The following COL10A1 variants were observed in gnomAD, a reference collection of about 807,000 sequenced individuals.
COL10A1 encodes the protein collagen alpha-1(X) chain.
Under a neutral mutation model 18.2 loss-of-function variants are expected in COL10A1, and 10 were observed. The ratio of observed to expected loss-of-function variants is 0.55; its 90% CI spans 0.34 to 0.93. The LOEUF is 0.93. Among genes scored for constraint, COL10A1 ranks in the 40% least tolerant of loss-of-function variants. COL10A1 has a pLI of 0.02. For missense variants in COL10A1, 897 were observed against 853.5 expected (o/e 1.05, Z -0.64); for synonymous variants, 330 against 316.6 (o/e 1.04, Z -0.45).
chr6:116,187,874 T>C, the COL10A1 span, among the ~76,000 whole-genome samples: 2 of 152,172 alleles, frequency 1.3e-5, no homozygotes, highest in Non-Finnish European at 2.9e-5. Flanking sequence ...TTGACAAACA[T>C]TAAACGTCTC....
intron 1 of COL10A1, among the ~76,000 whole-genome samples, chr6:116,156,314 A>T (rs556076852): frequency 7.0e-4 from 107 of 152,064 alleles, no homozygotes; most frequent in Non-Finnish European, 1.3e-3. Flanking sequence ...GTTAAAAAAA[A>T]TTTTTTTTAG....
At chr6:116,159,948 T>TGTCCAAAAAAAC (rs1780289249), upstream of COL10A1, among the ~76,000 whole-genome samples, 1 of 152,230 alleles carries the variant, frequency 6.6e-6, no homozygotes, top group Non-Finnish European at 1.5e-5. Flanking sequence ...CACAATTTCA[T>TGTCCAAAAAAAC]TACTTTTTAT....
upstream of COL10A1, among the ~76,000 whole-genome samples, chr6:116,158,913 C>T (rs990894598): frequency 6.6e-6 from 1 of 152,110 alleles, no homozygotes; most frequent in Non-Finnish European, 1.5e-5. Context: ...TTTTGAGACG[C>T]AGATGGGGAT....
intron 1 of COL10A1, among the ~76,000 whole-genome samples, chr6:116,154,857 G>T (rs904562933): frequency 5.3e-5 from 8 of 151,988 alleles, no homozygotes; most frequent in African/African-American, 1.9e-4. Context: ...ATGCCTTGTA[G>T]GTAAGCAAAA....
chr6:116,189,309 T>C, the COL10A1 span, among the ~76,000 whole-genome samples: 1 of 151,938 alleles, frequency 6.6e-6, no homozygotes, highest in Admixed American at 6.6e-5. Flanking sequence ...TTTTCCCTCA[T>C]TTTGAGGGCT....
chr6:116,214,486 G>C, the COL10A1 span, among the ~76,000 whole-genome samples: 4 of 152,076 alleles, frequency 2.6e-5, no homozygotes, highest in Non-Finnish European at 5.9e-5. Flanking sequence ...TCAAAAAGCT[G>C]TCTGGTTTTA....
chr6:116,146,182 A>G (rs1016738918), intron 1 of COL10A1, among the ~76,000 whole-genome samples: 1 of 152,244 alleles, frequency 6.6e-6, no homozygotes. Context: ...AGGCAGGAAG[A>G]GTCCCTGGGG....
At chr6:116,156,448 A>G (rs1780195548) in intron 1 of COL10A1, among the ~76,000 whole-genome samples, 1 of 152,198 alleles carries the variant, frequency 6.6e-6, no homozygotes, top group Non-Finnish European at 1.5e-5. Context: ...TTAGCTTATT[A>G]TAGTCTGCCT....
the COL10A1 span, among the ~76,000 whole-genome samples, chr6:116,193,059 C>G: frequency 6.6e-6 from 1 of 152,068 alleles, no homozygotes; most frequent in African/African-American, 2.4e-5. Flanking sequence ...TAAAGCTGTA[C>G]AGAATAGCTC....
chr6:116,161,168 A>C, upstream of COL10A1, among the ~76,000 whole-genome samples: 1 of 132,256 alleles, frequency 7.6e-6, no homozygotes, highest in East Asian at 2.4e-4. Context: ...AGGAAGGGGA[A>C]CATCACAATC....
the COL10A1 span, among the ~76,000 whole-genome samples, chr6:116,181,380 G>A: frequency 6.6e-6 from 1 of 152,018 alleles, no homozygotes; most frequent in East Asian, 1.9e-4. Context: ...GGAATTATCA[G>A]TTTAATTTAT....
the COL10A1 span, among the ~76,000 whole-genome samples, chr6:116,184,317 G>A: frequency 2.0e-5 from 3 of 151,934 alleles, no homozygotes; most frequent in African/African-American, 7.2e-5. Flanking sequence ...TTTTGTTGAG[G>A]ATTTTGCATT....
At chr6:116,207,566 G>T in the COL10A1 span, among the ~76,000 whole-genome samples, 1 of 151,588 alleles carries the variant, frequency 6.6e-6, no homozygotes, top group African/African-American at 2.4e-5. Context: ...ATTTTATTAT[G>T]ATTATATGTT....
chr6:116,152,065 G>C (rs1281691190), intron 1 of COL10A1, among the ~76,000 whole-genome samples: 2 of 152,148 alleles, frequency 1.3e-5, no homozygotes, highest in African/African-American at 4.8e-5. Context: ...TCCTTACAAA[G>C]CAGAAGGTGA....
At chr6:116,215,264 A>G in the COL10A1 span, among the ~76,000 whole-genome samples, 1 of 152,166 alleles carries the variant, frequency 6.6e-6, no homozygotes, top group Non-Finnish European at 1.5e-5. Flanking sequence ...TTCCAGAAAC[A>G]TGATATCAAA....
At chr6:116,158,091 CT>C (rs1276874171) in intron 1 of COL10A1, among the ~76,000 whole-genome samples, 6 of 152,126 alleles carry the variant, frequency 3.9e-5, no homozygotes, top group Admixed American at 3.9e-4. Context: ...TTTCTCTGAA[CT>C]ACAAGAACTT....
chr6:116,207,242 G>A, the COL10A1 span, among the ~76,000 whole-genome samples: 2 of 151,870 alleles, frequency 1.3e-5, no homozygotes, highest in Non-Finnish European at 2.9e-5. Context: ...TGGATCATAT[G>A]TCTTAAGAAA....
At chr6:116,189,047 T>C in the COL10A1 span, among the ~76,000 whole-genome samples, 1 of 152,002 alleles carries the variant, frequency 6.6e-6, no homozygotes, top group Non-Finnish European at 1.5e-5. Context: ...TCCTTGTATA[T>C]TCACAGTTAA....
chr6:116,209,231 G>A, the COL10A1 span, among the ~76,000 whole-genome samples: 1 of 151,914 alleles, frequency 6.6e-6, no homozygotes, highest in Non-Finnish European at 1.5e-5. Context: ...GGCACCAAGA[G>A]ACAAAATCAA....
Sources: gnomAD v4.1 joint callset for allele counts (sites outside exome capture counted in the v4.1 genomes callset) on GRCh38, gnomAD v4.1.1 for gene constraint, MANE v1.5 for transcripts, NCBI Gene and HGNC (gene_info 2026-07-23, HGNC 2026-07-21) for gene names.